The following MTCL1 variants were observed in gnomAD, a reference collection of about 807,000 sequenced individuals.
The protein encoded by MTCL1 is microtubule cross-linking factor 1.
A neutral mutation model predicts 141.4 loss-of-function variants in MTCL1; 79 were observed. That is an observed-to-expected ratio of 0.56 (90% CI 0.47 to 0.67). MTCL1 has a LOEUF of 0.67. Among genes scored for constraint, MTCL1 ranks in the 30% least tolerant of loss-of-function variants. The pLI, the probability that MTCL1 is intolerant of heterozygous loss-of-function variation, is 0.00. For synonymous variants in MTCL1, 914 were observed against 875.8 expected (o/e 1.04, Z -0.77); for missense variants, 2,177 against 2,113.9 (o/e 1.03, Z -0.59).
intron 5 of MTCL1, among the ~76,000 whole-genome samples, chr18:8,780,143 G>A (rs2096527816): frequency 6.6e-6 from 1 of 152,222 alleles, no homozygotes; most frequent in African/African-American, 2.4e-5. Flanking sequence ...TGTTGGGGAA[G>A]ACCCCCAGGG....
At chr18:8,744,245 C>G (rs2096322582) in intron 4 of MTCL1, among the ~76,000 whole-genome samples, 1 of 152,258 alleles carries the variant, frequency 6.6e-6, no homozygotes, top group African/African-American at 2.4e-5. Flanking sequence ...TGCCAGGTCT[C>G]CGGTTTCCCG....
At chr18:8,706,808 G>A in intron 1 of MTCL1, 95 bp downstream of exon 1, 2 of 1,507,022 alleles carry the variant, frequency 1.3e-6, no homozygotes, top group Non-Finnish European at 1.8e-6. Flanking sequence ...GGCCTGTCCA[G>A]CGCCTTCTCC....
At chr18:8,725,955 A>C (rs375968192) in intron 4 of MTCL1, among the ~76,000 whole-genome samples, 13 of 151,604 alleles carry the variant, frequency 8.6e-5, no homozygotes, top group African/African-American at 2.7e-4. Context: ...ACGCCCGGCT[A>C]ATTTTTTTTG....
chr18:8,785,930 T>C lies in MTCL1; in HGVS notation c.1732-6T>C, dbSNP rs1038854488. ...CAACAACAAATTCCTCCCGTGCACC[T>C]AACAGTCCAGACTGAAAGAGCAGCT... On this transcript the variant is annotated splice_region_variant and splice_polypyrimidine_tract_variant and intron_variant, in intron 6 of 16. Coordinates refer to ENST00000359865, the Ensembl canonical transcript of MTCL1. 3 of 1,586,002 alleles carry C rather than the reference T, an allele frequency of 1.9e-6. No individual in the cohort carries two copies. The highest frequency in any genetic ancestry group is 2.6e-6 in the Non-Finnish European group (3 of 1,168,904).
intron 5 of MTCL1, chr18:8,782,420 A>G (rs949767497): frequency 2.6e-5 from 4 of 152,222 alleles, no homozygotes; most frequent in Admixed American, 1.3e-4. Flanking sequence ...TGTGAACAGT[A>G]AAACGTTTTT....
At chr18:8,801,000 TACAGGCC>T (rs1178723472) in intron 10 of MTCL1, among the ~76,000 whole-genome samples, 2 of 152,130 alleles carry the variant, frequency 1.3e-5, no homozygotes, top group African/African-American at 2.4e-5. Flanking sequence ...CTTCACCTGC[TACAGGCC>T]ACTGAAGAGC....
intron 14 of MTCL1, among the ~76,000 whole-genome samples, chr18:8,823,992 G>A (rs887243868): frequency 4.6e-5 from 7 of 152,152 alleles, no homozygotes; most frequent in African/African-American, 1.4e-4. Flanking sequence ...GTAAGAATCT[G>A]GACAGTGAGT....
At position 8,822,337 on chromosome 18, in the gene MTCL1, C is replaced by T. The variant is rs546181549; in HGVS notation, c.3188+839C>T. On this transcript the variant is annotated intron_variant, in intron 14 of 16. Transcript: ENST00000359865. The surrounding 1 kb of genome is among the most constrained non-coding windows in gnomAD (Gnocchi z 4.6). Reference sequence around the variant, plus strand: ...TGAAATGGAGTCTCGCTCTGTCTCCCAGGCTGGAGTACAGTGGCACAATCT... The same window carrying T: ...TGAAATGGAGTCTCGCTCTGTCTCCTAGGCTGGAGTACAGTGGCACAATCT... Among the ~76,000 whole-genome samples the T allele has an allele frequency of 6.6e-6, 1 of 152,188 alleles. No homozygotes were observed. The highest frequency in any genetic ancestry group is 2.4e-5 in the African/African-American group (1 of 41,448).
Position 8,825,521 on chromosome 18 carries a change from C to T in MTCL1, c.4011C>T (p.Ser1337=), listed in dbSNP as rs149752902. The stretch of plus-strand genomic sequence containing the variant: ...TGCAGACTGAAGCCCTGCGTGGCAG[C>T]GGTGTCACCAGCAGCCCCCACAAGT... The change falls in exon 15 of 17, where the codon AGC becomes AGT. Residue 1337 remains serine (S), a synonymous_variant. Transcript: ENST00000359865. The T allele has an allele frequency of 1.9e-5, 30 of 1,612,088 alleles. No homozygotes were observed. In the African/African-American group the frequency reaches 2.1e-4, roughly 11 times the overall value.
At chr18:8,763,631 T>C (rs7239157) in intron 4 of MTCL1, among the ~76,000 whole-genome samples, 11,289 of 152,300 alleles carry the variant, frequency 0.074, 1,122 homozygotes, top group African/African-American at 0.22. Context: ...TTTGGTTCAG[T>C]GGTCTCTCTC....
intron 4 of MTCL1, among the ~76,000 whole-genome samples, chr18:8,773,836 ATTCT>A (rs1225533082): frequency 6.6e-6 from 1 of 152,150 alleles, no homozygotes; most frequent in Non-Finnish European, 1.5e-5. Context: ...AATCTCATAT[ATTCT>A]TTATTTCTGA....
intron 4 of MTCL1, among the ~76,000 whole-genome samples, chr18:8,742,704 A>G (rs927892300): frequency 3.3e-5 from 5 of 152,156 alleles, no homozygotes; most frequent in Non-Finnish European, 7.3e-5. Flanking sequence ...CTTTATGCTG[A>G]CTATTTCAAA....
intron 13 of MTCL1, 134 bp downstream of exon 12, chr18:8,819,393 A>G: frequency 1.2e-6 from 1 of 866,126 alleles, no homozygotes; most frequent in South Asian, 1.8e-5. Flanking sequence ...CGAATTGAGT[A>G]AAAATGAAAT....
At chr18:8,711,954 C>A (rs955502906) in intron 1 of MTCL1, among the ~76,000 whole-genome samples, 1 of 152,186 alleles carries the variant, frequency 6.6e-6, no homozygotes, top group African/African-American at 2.4e-5. Context: ...GTCAGACAAG[C>A]CGGAGTGCTC....
At chr18:8,777,762 G>C (rs2096517146) in intron 4 of MTCL1, 71 bp from the exon 4 acceptor site, 1 of 1,405,850 alleles carries the variant, frequency 7.1e-7, no homozygotes, top group Non-Finnish European at 1.0e-6. Flanking sequence ...CACCCATGGG[G>C]ACGATGTTTG....
intron 4 of MTCL1, among the ~76,000 whole-genome samples, chr18:8,758,962 C>T (rs2096416387): frequency 1.3e-5 from 2 of 152,188 alleles, no homozygotes; most frequent in South Asian, 2.1e-4. Context: ...GAAACACCTC[C>T]TCCGAAGTTT....
chr18:8,826,314 C>T (rs569530001), intron 15 of MTCL1, 82 bp downstream of exon 14: 1 of 1,272,310 alleles, frequency 7.9e-7, no homozygotes, highest in Non-Finnish European at 1.1e-6. Flanking sequence ...TGGGATTGTG[C>T]TCTGTCATTT....
exon 1 of MTCL1, chr18:8,706,118 C>T (rs890885357): frequency 6.6e-6 from 8 of 1,212,644 alleles, no homozygotes; most frequent in Non-Finnish European, 8.2e-6. Flanking sequence ...GCCGAGCCGC[C>T]GTCTGCCGCT....
chr18:8,783,088 T>TG (rs1257494821), intron 5 of MTCL1, among the ~76,000 whole-genome samples: 1 of 152,220 alleles, frequency 6.6e-6, no homozygotes. Context: ...GGTGGAACCC[T>TG]GTCTGCCTGC....
Sources: allele counts gnomAD v4.1 joint callset (sites outside exome capture counted in the v4.1 genomes callset), GRCh38; gene constraint gnomAD v4.1.1; non-coding constraint Gnocchi (gnomAD v3.1); transcripts MANE v1.5; gene names NCBI Gene and HGNC (gene_info 2026-07-23, HGNC 2026-07-21).